Variants in ADAMTSL1 observed in about 807,000 individuals in gnomAD.
ADAMTSL1 encodes ADAMTS like 1, also known as ADAMTS-like protein 1.
In ADAMTSL1, 126 loss-of-function variants were observed where a neutral mutation model predicts 201.8. The ratio of observed to expected loss-of-function variants is 0.62; its 90% CI spans 0.54 to 0.72. The LOEUF (loss-of-function observed/expected upper bound fraction) is 0.72, where lower values mean the gene tolerates loss of function less well. ADAMTSL1 is among the 30% of genes least tolerant of loss of function. The probability of loss-of-function intolerance (pLI) is 0.00; values close to 1 mark genes in which losing one functional copy is unlikely to be tolerated. For synonymous variants in ADAMTSL1, 1,121 were observed against 903.4 expected (o/e 1.24, Z -4.32); for missense variants, 2,679 against 2,277.8 (o/e 1.18, Z -3.59).
chr9:18,654,194 G>T (rs920722679), intron 7 of ADAMTSL1, among the ~76,000 whole-genome samples: 1 of 152,156 alleles, frequency 6.6e-6, no homozygotes, highest in Admixed American at 6.5e-5. Context: ...ACGCCACTTC[G>T]CTCCACCCTG....
chr9:18,166,958 T>A (rs1160439278), intron 2 of ADAMTSL1, among the ~76,000 whole-genome samples: 2 of 151,938 alleles, frequency 1.3e-5, no homozygotes, highest in East Asian at 3.9e-4. Context: ...AGAAAAACTT[T>A]CTAGCTAGCT....
chr9:18,744,113 A>G (rs1032041545), intron 15 of ADAMTSL1, among the ~76,000 whole-genome samples: 1 of 152,242 alleles, frequency 6.6e-6, no homozygotes, highest in Non-Finnish European at 1.5e-5. Flanking sequence ...GAAGTGAGAT[A>G]ACATAAACAG....
intron 2 of ADAMTSL1, among the ~76,000 whole-genome samples, chr9:18,316,108 A>T (rs1348144142): frequency 6.6e-6 from 1 of 152,174 alleles, no homozygotes; most frequent in Non-Finnish European, 1.5e-5. Context: ...AGGGATTTTC[A>T]AAAGGGGAGG....
chr9:18,534,232 A>G (rs1003722817), intron 3 of ADAMTSL1, among the ~76,000 whole-genome samples: 1 of 152,114 alleles, frequency 6.6e-6, no homozygotes, highest in South Asian at 2.1e-4. Context: ...CAGGAAGTGG[A>G]TGAGGAGCAA....
intron 2 of ADAMTSL1, among the ~76,000 whole-genome samples, chr9:18,403,303 C>G (rs1464928885): frequency 6.6e-6 from 1 of 152,104 alleles, no homozygotes; most frequent in Non-Finnish European, 1.5e-5. Context: ...CTTGCCTCAG[C>G]CTCCAGAGTA....
chr9:18,078,311 C>T (rs181629718), intron 1 of ADAMTSL1, among the ~76,000 whole-genome samples: 8 of 152,238 alleles, frequency 5.3e-5, no homozygotes, highest in Non-Finnish European at 7.4e-5. Flanking sequence ...GCTGTCCCTA[C>T]GCCTCCTAGG....
At chr9:18,479,436 G>A (rs961315580) in intron 1 of ADAMTSL1, among the ~76,000 whole-genome samples, 2 of 152,176 alleles carry the variant, frequency 1.3e-5, no homozygotes, top group Admixed American at 1.3e-4. Flanking sequence ...ATCTCATGAA[G>A]TAATTGTAAC....
intron 1 of ADAMTSL1, among the ~76,000 whole-genome samples, chr9:18,131,755 A>G (rs1825963074): frequency 2.6e-5 from 4 of 152,110 alleles, no homozygotes; most frequent in Admixed American, 1.3e-4. Flanking sequence ...ACTCCCGAAT[A>G]AAACAGTGAA....
chr9:18,079,106 G>A lies in ADAMTSL1; in HGVS notation c.88-84756G>A, dbSNP rs577089341. On this transcript the variant is annotated intron_variant, in intron 1 of 29. Transcript: ENST00000680146. ...CCCTCATTAGGGTTGACTCAAGAGG[G>A]CAGGTATCCCCAGATATCCTTTCCT... Among the ~76,000 whole-genome samples the A allele has an allele frequency of 8.6e-4, 131 of 152,280 alleles. 1 individual carries two copies. Among genetic ancestry groups the A allele is most frequent in the Non-Finnish European group, 1.3e-3 (91 of 68,028 alleles).
At chr9:18,544,442 ATTTCTG>A (rs1820353416) in intron 3 of ADAMTSL1, among the ~76,000 whole-genome samples, 1 of 152,138 alleles carries the variant, frequency 6.6e-6, no homozygotes. Context: ...AGTAAAACTG[ATTTCTG>A]TTTGATGGCA....
At chr9:18,089,130 C>T (rs757163244) in intron 1 of ADAMTSL1, among the ~76,000 whole-genome samples, 15 of 151,900 alleles carry the variant, frequency 9.9e-5, no homozygotes, top group Non-Finnish European at 1.5e-4. Flanking sequence ...GCAGCCTGGG[C>T]GACAGGAGCG....
chr9:17,909,243 T>G (rs1223828175), intron 1 of ADAMTSL1, among the ~76,000 whole-genome samples: 77 of 144,124 alleles, frequency 5.3e-4, no homozygotes, highest in Non-Finnish European at 6.7e-4. Flanking sequence ...ATGAGTAGGT[T>G]GCAAAAATTT....
At chr9:18,297,188 C>T (rs1383492982) in intron 2 of ADAMTSL1, among the ~76,000 whole-genome samples, 1 of 152,082 alleles carries the variant, frequency 6.6e-6, no homozygotes, top group Admixed American at 6.5e-5. Flanking sequence ...TTGGTGCAGT[C>T]TGTGTAATGC....
intron 1 of ADAMTSL1, among the ~76,000 whole-genome samples, chr9:18,111,177 A>G (rs1434126042): frequency 6.6e-6 from 1 of 152,176 alleles, no homozygotes; most frequent in Non-Finnish European, 1.5e-5. Context: ...GTCAGGGCTA[A>G]GTTCTCCTAA....
chr9:18,372,283 T>A (rs2133133506), intron 2 of ADAMTSL1, among the ~76,000 whole-genome samples: 1 of 152,174 alleles, frequency 6.6e-6, no homozygotes, highest in Middle Eastern at 3.4e-3. Context: ...TTCATTAGGG[T>A]TTGGAGAAGA....
At chr9:18,289,635 C>A (rs184524629) in intron 2 of ADAMTSL1, among the ~76,000 whole-genome samples, 1 of 152,252 alleles carries the variant, frequency 6.6e-6, no homozygotes, top group East Asian at 1.9e-4. Context: ...ACCAGAAAAC[C>A]CTGACTTCTC....
chr9:18,740,422 A>G (rs940453900), intron 15 of ADAMTSL1, among the ~76,000 whole-genome samples: 1 of 144,244 alleles, frequency 6.9e-6, no homozygotes, highest in African/African-American at 2.6e-5. Context: ...AGAGTTTTCC[A>G]AGGATTTACT....
intron 2 of ADAMTSL1, among the ~76,000 whole-genome samples, chr9:18,203,812 T>C (rs1394102678): frequency 6.6e-6 from 1 of 152,160 alleles, no homozygotes. Context: ...CGATTTGGCC[T>C]AAACTTCACA....
At chr9:18,616,316 C>T (rs1293296903) in intron 4 of ADAMTSL1, among the ~76,000 whole-genome samples, 2 of 152,210 alleles carry the variant, frequency 1.3e-5, no homozygotes, top group Non-Finnish European at 2.9e-5. Flanking sequence ...TAAGCCACCA[C>T]ACCCAGCATA....
Sources: allele counts gnomAD v4.1 joint callset (sites outside exome capture counted in the v4.1 genomes callset), GRCh38; gene constraint gnomAD v4.1.1; transcripts MANE v1.5; gene names NCBI Gene and HGNC (gene_info 2026-07-23, HGNC 2026-07-21).